The following CPSF6 variants were observed in gnomAD, a reference collection of about 807,000 sequenced individuals.
The protein encoded by CPSF6 is cleavage and polyadenylation specificity factor subunit 6.
CPSF6 carries 10 observed loss-of-function variants against 56.7 expected under a neutral mutation model. The ratio of observed to expected loss-of-function variants is 0.18; its 90% CI spans 0.11 to 0.30. The LOEUF is 0.30. Ranked by LOEUF, CPSF6 falls within the 10% of genes least tolerant of loss-of-function variation. The pLI is 1.00. For missense variants in CPSF6, 419 were observed against 722.9 expected, an observed-to-expected ratio of 0.58 and a Z score of 4.82; for synonymous variants, 248 against 244.8, an observed-to-expected ratio of 1.01 and a Z score of -0.12.
At chr12:69,245,055 C>G (rs1209880470) in intron 1 of CPSF6, among the ~76,000 whole-genome samples, 1 of 146,360 alleles carries the variant, frequency 6.8e-6, no homozygotes, top group African/African-American at 2.5e-5. Context: ...GCCAGGAGTT[C>G]GAGACCAGCT....
At chr12:69,241,788 T>G (rs1871635435) in intron 1 of CPSF6, among the ~76,000 whole-genome samples, 4 of 152,192 alleles carry the variant, frequency 2.6e-5, no homozygotes, top group Non-Finnish European at 5.9e-5. Context: ...GTAAAATCTT[T>G]ATATGTTTGA....
At chr12:69,256,886 A>G in intron 4 of CPSF6, 44 bp downstream of exon 4, 1 of 1,524,124 alleles carries the variant, frequency 6.6e-7, no homozygotes, top group East Asian at 2.3e-5. Context: ...GTACATTTTA[A>G]CCAGTGCATT....
rs1873347385 is a variant in CPSF6, at chr12:69,273,428, A to G, written c.*3920A>G. On this transcript the variant is annotated 3_prime_UTR_variant, in exon 10 of 10. Transcript: ENST00000435070. ...CATATTGTAATGGAGTCTTTTAAAT[A>G]CTAGGTTGAATTTAATTGAAGTCAC... The G allele has an allele frequency of 6.1e-6, 1 of 164,440 alleles. No individual in the cohort carries two copies. Among genetic ancestry groups the G allele is most frequent in the Non-Finnish European group, 1.3e-5 (1 of 74,672 alleles). The allele number at this position is 164,440 out of a possible 1,614,324, so 10.2% of individuals were successfully genotyped here.
At chr12:69,244,049 T>C (rs1871762283) in intron 1 of CPSF6, among the ~76,000 whole-genome samples, 1 of 152,120 alleles carries the variant, frequency 6.6e-6, no homozygotes. Context: ...CTCCAGCTCC[T>C]GGGCTCAAGC....
intron 1 of CPSF6, among the ~76,000 whole-genome samples, chr12:69,242,888 C>A (rs1168601617): frequency 6.6e-6 from 1 of 152,052 alleles, no homozygotes; most frequent in Non-Finnish European, 1.5e-5. Flanking sequence ...GTGGGCAGAT[C>A]GCTTGAGGTC....
rs758438859 is a variant in CPSF6, at chr12:69,259,443, A to G, written c.1215A>G (p.Ala405=). The change falls in exon 7 of 10, where the codon GCA becomes GCG. Residue 405 remains alanine (A), a synonymous_variant. Coordinates refer to ENST00000435070, the MANE Select transcript of CPSF6 (RefSeq NM_007007.3). ...TGTTTTACAGGGAAATGGATACTGCAAGAACGCCATTGAGTGAAGCTGAAT... is the reference window on the plus strand; with the variant it reads ...TGTTTTACAGGGAAATGGATACTGCGAGAACGCCATTGAGTGAAGCTGAAT... ...YGPPGREMDT[A]RTPLSEAEFE... 2 of 1,612,994 alleles carry G rather than the reference A, an allele frequency of 1.2e-6. No homozygotes were observed. The highest frequency in any genetic ancestry group is 1.1e-5 in the South Asian group (1 of 90,852).
chr12:69,246,842 A>G (rs143988134), intron 1 of CPSF6, among the ~76,000 whole-genome samples: 1 of 152,242 alleles, frequency 6.6e-6, no homozygotes, highest in East Asian at 1.9e-4. Context: ...ATGTATTTTT[A>G]TGGTAGAGAT....
rs1249927891 is a variant in CPSF6 at position 69,271,403 on chromosome 12, A to AG, written c.*1897dup. The AG allele has an allele frequency of 1.3e-5, 2 of 152,166 alleles. No homozygotes were observed. Among genetic ancestry groups the AG allele is most frequent in the Non-Finnish European group, 3.0e-5 (2 of 67,692 alleles). 9.4% of individuals were successfully genotyped at this position (152,166 alleles called of 1,614,324 possible). ...AATTAGTTAATAGTAAAGGGTTAAA[A>AG]GGTAAGTAAAATGTCCATGAAAATA... On this transcript the variant is annotated 3_prime_UTR_variant, in exon 10 of 10. Transcript: ENST00000435070.
At position 69,239,715 on chromosome 12, in the gene CPSF6, G is replaced by A. The variant is rs772338596; in HGVS notation, c.60+9G>A. 1.9e-6 allele frequency: 3 copies of A among 1,577,798 alleles called. No homozygotes were observed. The highest frequency in any genetic ancestry group is 1.8e-5 in the Admixed American group (1 of 56,562). ...GCGAAGAGTTCAACCAGGTACGTGA[G>A]AGCCCAGGTCCCCGCCGCCGACGCG... On this transcript the variant is annotated intron_variant, in intron 1 of 9. Coordinates refer to ENST00000435070, the MANE Select transcript of CPSF6 (RefSeq NM_007007.3).
Position 69,271,285 on chromosome 12 carries a change from T to TC in CPSF6, c.*1778dup, listed in dbSNP as rs985249423. The stretch of plus-strand genomic sequence containing the variant: ...GAGTTGTATCAAAATTTTCCTGTTT[T>TC]CTGTATATTGTTGTGTCATTTCTTG... On this transcript the variant is annotated 3_prime_UTR_variant, in exon 10 of 10. Transcript: ENST00000435070. 5.3e-5 allele frequency: 8 copies of TC among 152,162 alleles called. No homozygotes were observed. The highest frequency in any genetic ancestry group is 9.7e-5 in the African/African-American group (4 of 41,408). The allele number at this position is 152,162 out of a possible 1,614,324, so 9.4% of individuals were successfully genotyped here.
chr12:69,239,787 G>C, intron 1 of CPSF6, 81 bp downstream of exon 1: 1 of 1,373,070 alleles, frequency 7.3e-7, no homozygotes, highest in Non-Finnish European at 9.6e-7. Context: ...CTGCGGCCGC[G>C]AGCCGAAGCG....
intron 1 of CPSF6, among the ~76,000 whole-genome samples, chr12:69,240,611 A>G (rs1871563961): frequency 6.6e-6 from 1 of 152,134 alleles, no homozygotes; most frequent in Non-Finnish European, 1.5e-5. Context: ...CGTTCACCCC[A>G]AATCCTTATG....
chr12:69,270,136 T>G lies in CPSF6; in HGVS notation c.*628T>G, dbSNP rs1409409420. 6 of 152,216 alleles carry G rather than the reference T, an allele frequency of 3.9e-5. No individual in the cohort carries two copies. Among genetic ancestry groups the G allele is most frequent in the African/African-American group, 1.4e-4 (6 of 41,430 alleles). The allele number at this position is 152,216 out of a possible 1,614,324, so 9.4% of individuals were successfully genotyped here. On this transcript the variant is annotated 3_prime_UTR_variant, in exon 10 of 10. Transcript: ENST00000435070. ...ATAGTAATTAAGTGTCTTTTGCCCT[T>G]GATTTTGATATTAGAATAGGTGATT...
intron 3 of CPSF6, among the ~76,000 whole-genome samples, chr12:69,256,246 A>G (rs776828758): frequency 1.8e-4 from 27 of 152,276 alleles, no homozygotes; most frequent in Non-Finnish European, 2.5e-4. Flanking sequence ...GCGATGGCTA[A>G]TGGATATGGA....
intron 1 of CPSF6, among the ~76,000 whole-genome samples, chr12:69,245,453 T>A (rs1202396086): frequency 6.6e-6 from 1 of 152,202 alleles, no homozygotes. Flanking sequence ...AAAAACATAG[T>A]ATATTTAGGG....
chr12:69,257,606 G>A, intron 4 of CPSF6, 126 bp from the exon 5 acceptor site: 3 of 819,412 alleles, frequency 3.7e-6, no homozygotes, highest in Non-Finnish European at 5.7e-6. Flanking sequence ...TTCTTATGTA[G>A]TTTGCATAGG....
intron 1 of CPSF6, among the ~76,000 whole-genome samples, chr12:69,242,059 C>T (rs1390897506): frequency 1.3e-5 from 2 of 152,044 alleles, no homozygotes; most frequent in Non-Finnish European, 2.9e-5. Flanking sequence ...AAATAATTTA[C>T]AACTGATTTA....
chr12:69,256,955 A>C, intron 4 of CPSF6, 113 bp downstream of exon 4: 1 of 897,288 alleles, frequency 1.1e-6, no homozygotes, highest in Non-Finnish European at 1.7e-6. Context: ...ACTCCATTTC[A>C]CAAAGTCCAT....
At chr12:69,266,068 C>T (rs1026558295) in intron 9 of CPSF6, among the ~76,000 whole-genome samples, 1 of 147,488 alleles carries the variant, frequency 6.8e-6, no homozygotes, top group Non-Finnish European at 1.5e-5. Context: ...AAAATTCTTA[C>T]ATGTTAAAGA....
Sources: allele counts gnomAD v4.1 joint callset (sites outside exome capture counted in the v4.1 genomes callset), GRCh38; gene constraint gnomAD v4.1.1; transcripts MANE v1.5; gene names NCBI Gene and HGNC (gene_info 2026-07-23, HGNC 2026-07-21).